TRPC5: variants seen among roughly 807,000 people sequenced by gnomAD.
TRPC5 encodes short transient receptor potential channel 5.
Under a neutral mutation model 56.5 loss-of-function variants are expected in TRPC5, and 9 were observed. That is an observed-to-expected ratio of 0.16 (90% confidence interval 0.10 to 0.28). The LOEUF is 0.28. Ranked by LOEUF, TRPC5 falls within the 10% of genes least tolerant of loss-of-function variation. TRPC5 has a pLI of 1.00. For synonymous variants in TRPC5, 282 were observed against 278.5 expected (o/e 1.01, Z -0.13); for missense variants, 469 against 748.9 (o/e 0.63, Z 4.36).
intron 7 of TRPC5, among the ~76,000 whole-genome samples, chrX:111,817,738 C>T (rs1185631274): frequency 1.8e-5 from 2 of 111,516 alleles, no homozygotes; most frequent in African/African-American, 6.5e-5. Flanking sequence ...AATTACTTCT[C>T]TAGGGTCACA....
intron 1 of TRPC5, among the ~76,000 whole-genome samples, chrX:111,963,011 C>T (rs762893846): frequency 2.8e-4 from 31 of 111,730 alleles, no homozygotes; most frequent in African/African-American, 8.4e-4. Context: ...ATGTGCGAGC[C>T]GAAGCAGGGC....
At position 111,773,729 on chromosome X, in the gene TRPC5, A is replaced by G. The variant is rs1037660184; in HGVS notation, c.*2584T>C. The stretch of plus-strand genomic sequence containing the variant: ...TCTATTTGTAAAATATGAGGTTGGA[A>G]TAGAGTAGATCCTTTATAAAGTTCT... On this transcript the variant is annotated 3_prime_UTR_variant, in exon 11 of 11. Coordinates refer to ENST00000262839, the MANE Select transcript of TRPC5 (RefSeq NM_012471.3). Among the ~76,000 whole-genome samples, 1 of 111,569 alleles carries G rather than the reference A, an allele frequency of 9.0e-6. No homozygotes were observed. Among genetic ancestry groups the G allele is most frequent in the Non-Finnish European group, 1.9e-5 (1 of 53,093 alleles).
intron 2 of TRPC5, among the ~76,000 whole-genome samples, chrX:111,934,124 T>C (rs1012195232): frequency 1.2e-4 from 13 of 110,131 alleles, no homozygotes; most frequent in Non-Finnish European, 2.3e-4. Flanking sequence ...GCTTTTTAGT[T>C]TAATGCAATC....
chrX:111,867,418 C>T (rs1466151503), intron 3 of TRPC5, among the ~76,000 whole-genome samples: 1 of 111,786 alleles, frequency 8.9e-6, no homozygotes, highest in Non-Finnish European at 1.9e-5. Flanking sequence ...GAAAAGGCTG[C>T]GGTGAATAAT....
chrX:111,869,927 A>G (rs1464298800), intron 3 of TRPC5, among the ~76,000 whole-genome samples: 2 of 112,159 alleles, frequency 1.8e-5, no homozygotes, highest in Admixed American at 1.9e-4. Flanking sequence ...GTAAGAAATC[A>G]TAGAAAGTGT....
intron 2 of TRPC5, among the ~76,000 whole-genome samples, chrX:111,924,100 A>G (rs746246220): frequency 3.6e-5 from 4 of 112,074 alleles, no homozygotes; most frequent in Non-Finnish European, 7.5e-5. Context: ...GTGAGATTGG[A>G]TATCATGATA....
At chrX:112,031,729 A>G (rs1042894258) in intron 1 of TRPC5, among the ~76,000 whole-genome samples, 5 of 109,542 alleles carry the variant, frequency 4.6e-5, no homozygotes, top group Non-Finnish European at 9.5e-5. Context: ...ATCACCTATT[A>G]TGGATATTTC....
intron 3 of TRPC5, among the ~76,000 whole-genome samples, chrX:111,863,329 T>C (rs1329588538): frequency 8.9e-6 from 1 of 112,081 alleles, no homozygotes; most frequent in Admixed American, 9.4e-5. Flanking sequence ...AAGTTTTAGT[T>C]TGATTATATG....
At chrX:111,984,338 G>A (rs1928157525) in intron 1 of TRPC5, among the ~76,000 whole-genome samples, 1 of 111,440 alleles carries the variant, frequency 9.0e-6, no homozygotes, top group South Asian at 3.8e-4. Context: ...CTTATTCTGG[G>A]CCCCACTCAA....
At chrX:112,051,164 T>C (rs892912111) in intron 1 of TRPC5, among the ~76,000 whole-genome samples, 2 of 112,462 alleles carry the variant, frequency 1.8e-5, no homozygotes, top group African/African-American at 3.2e-5. Context: ...CTTGTCTGCA[T>C]TGATGCTGTT....
At chrX:111,789,793 C>G (rs1182756324) in intron 7 of TRPC5, among the ~76,000 whole-genome samples, 1 of 112,665 alleles carries the variant, frequency 8.9e-6, no homozygotes, top group Non-Finnish European at 1.9e-5. Flanking sequence ...ATGCAGCCAA[C>G]AGACACATGA....
At chrX:112,021,230 C>A (rs1432656741) in intron 1 of TRPC5, among the ~76,000 whole-genome samples, 1 of 110,864 alleles carries the variant, frequency 9.0e-6, no homozygotes, top group Non-Finnish European at 1.9e-5. Context: ...TAATTGAGAA[C>A]AGACTTCGTG....
intron 1 of TRPC5, among the ~76,000 whole-genome samples, chrX:112,026,657 T>C (rs7891415): frequency 0.19 from 21,362 of 110,548 alleles, 2,173 homozygotes; most frequent in African/African-American, 0.39. Context: ...TAGATTATCT[T>C]AACCTCTTTC....
At chrX:111,994,383 C>G (rs762654240) in intron 1 of TRPC5, among the ~76,000 whole-genome samples, 3 of 111,309 alleles carry the variant, frequency 2.7e-5, no homozygotes, top group African/African-American at 9.8e-5. Flanking sequence ...CTTGGCAATG[C>G]GGGCTCTTTT....
chrX:112,000,637 C>A (rs186948038), intron 1 of TRPC5, among the ~76,000 whole-genome samples: 37 of 111,711 alleles, frequency 3.3e-4, no homozygotes, highest in African/African-American at 1.1e-3. Context: ...GTTGTTGCGA[C>A]GATTAGATGA....
At position 111,844,311 on chromosome X, in the gene TRPC5, A is replaced by G. The variant is rs539559369; in HGVS notation, c.1700+2803T>C. The stretch of plus-strand genomic sequence containing the variant: ...TGTCTTTCTAATTGCTTCTCTTGAC[A>G]GCAGGTGAAGGCCACGTATTCCCAG... On this transcript the variant is annotated intron_variant, in intron 6 of 10. Coordinates refer to ENST00000262839, the MANE Select transcript of TRPC5 (RefSeq NM_012471.3). Among the ~76,000 whole-genome samples, 5 of 111,045 alleles carry G rather than the reference A, an allele frequency of 4.5e-5. No individual in the cohort carries two copies. The South Asian group carries it at 1.9e-3, about 43-fold the overall frequency.
chrX:111,866,597 T>C (rs1015956316), intron 3 of TRPC5, among the ~76,000 whole-genome samples: 7 of 112,747 alleles, frequency 6.2e-5, no homozygotes, highest in African/African-American at 2.3e-4. Flanking sequence ...AGCTGTGTTG[T>C]CAATGGAGGG....
At chrX:112,053,702 G>C (rs143623243) in intron 1 of TRPC5, among the ~76,000 whole-genome samples, 7 of 111,130 alleles carry the variant, frequency 6.3e-5, no homozygotes, top group African/African-American at 2.3e-4. Context: ...AAGCATGTGT[G>C]TTTGTGTGTG....
intron 3 of TRPC5, among the ~76,000 whole-genome samples, chrX:111,855,911 G>A (rs925542766): frequency 8.9e-6 from 1 of 112,102 alleles, no homozygotes; most frequent in East Asian, 2.8e-4. Flanking sequence ...CACCGAAAAC[G>A]ATATGAACAT....
Sources: gnomAD v4.1 joint callset for allele counts (sites outside exome capture counted in the v4.1 genomes callset) on GRCh38, gnomAD v4.1.1 for gene constraint, MANE v1.5 for transcripts, NCBI Gene and HGNC (gene_info 2026-07-23, HGNC 2026-07-21) for gene names.